The following MEPE variants were observed in gnomAD, a reference collection of about 807,000 sequenced individuals.
MEPE encodes matrix, extracellular phosphoglycoprotein with ASARM motif (bone).
MEPE carries 7 observed loss-of-function variants against 7.3 expected under a neutral mutation model. That is an observed-to-expected ratio of 0.95 (90% CI 0.54 to 1.79). The LOEUF is 1.79. Ranked by LOEUF, MEPE falls within the 40% of genes most tolerant of loss-of-function variation. MEPE has a pLI of 0.00. For synonymous variants in MEPE, 214 were observed against 213.1 expected, an observed-to-expected ratio of 1.00 and a Z score of -0.04; for missense variants, 623 against 628.2, an observed-to-expected ratio of 0.99 and a Z score of 0.09.
chr4:87,824,594 G>T (rs1023243694), intron 1 of MEPE, among the ~76,000 whole-genome samples: 5 of 152,180 alleles, frequency 3.3e-5, no homozygotes, highest in Admixed American at 3.3e-4. Flanking sequence ...GTCAGATTTG[G>T]CCCACAGGCC....
intron 3 of MEPE, among the ~76,000 whole-genome samples, chr4:87,839,206 G>A (rs1187099955): frequency 2.6e-5 from 4 of 152,150 alleles, no homozygotes; most frequent in Non-Finnish European, 4.4e-5. Context: ...AGAAAATTAT[G>A]TTCTAAGAAC....
In MEPE at chr4:87,845,680, C is replaced by T. The variant is rs1723207786; in HGVS notation, c.812C>T (p.Ala271Val). The T allele has an allele frequency of 3.1e-6, 5 of 1,613,648 alleles. No individual in the cohort carries two copies. The highest frequency in any genetic ancestry group is 3.4e-6 in the Non-Finnish European group (4 of 1,179,900). The change falls in exon 4 of 4, where the codon GCT becomes GTT. Residue 271 changes from alanine to valine, a missense_variant. Physicochemically the swap from Ala to Val is moderately conservative, Grantham distance 64. Coordinates refer to ENST00000361056, the MANE Select transcript of MEPE (RefSeq NM_020203.6). ...PFKDIPGKGE[A>V]TGPDLEGKDI... is the part of the protein sequence containing the mutation. ...AAGGACATTCCTGGTAAAGGAGAAG[C>T]TACTGGTCCTGACCTAGAAGGCAAA...
At chr4:87,831,995 G>A (rs72875465), upstream of MEPE, among the ~76,000 whole-genome samples, 10,319 of 151,914 alleles carry the variant, frequency 0.068, 1,188 homozygotes, top group African/African-American at 0.24. Context: ...TGGGAATTCC[G>A]CAATGAAGAG....
chr4:87,827,993 T>A (rs1009209615), upstream of MEPE, among the ~76,000 whole-genome samples: 3 of 152,198 alleles, frequency 2.0e-5, no homozygotes, highest in South Asian at 6.2e-4. Flanking sequence ...AAAGGTGACC[T>A]TTTTGAGCTT....
chr4:87,846,251 T>C lies in MEPE; in HGVS notation c.1383T>C (p.Asn461=), dbSNP rs1723255201. The C allele has an allele frequency of 1.2e-6, 2 of 1,613,884 alleles. No individual in the cohort carries two copies. Among genetic ancestry groups the C allele is most frequent in the Admixed American group, 1.7e-5 (1 of 59,958 alleles). Reference sequence around the variant, plus strand: ...CCTTTAATGGCCCCAGTCATGAGAATATAATAACACATGGCAGAAAATATC... The same window carrying C: ...CCTTTAATGGCCCCAGTCATGAGAACATAATAACACATGGCAGAAAATATC... The part of the protein sequence containing the change: ...MDSFNGPSHE[N]IITHGRKYHY... Residue 461 remains asparagine, a synonymous_variant, in exon 4 of 4, where the codon AAT becomes AAC. Coordinates refer to ENST00000361056, the MANE Select transcript of MEPE (RefSeq NM_020203.6).
chr4:87,838,601 G>T (rs1304533722), intron 2 of MEPE, 31 bp from the exon 3 acceptor site: 1 of 1,600,490 alleles, frequency 6.2e-7, no homozygotes, highest in Admixed American at 1.7e-5. Flanking sequence ...ATGTTCTAGT[G>T]GGTGAAGTTT....
chr4:87,830,317 T>G (rs1435255522), upstream of MEPE, among the ~76,000 whole-genome samples: 4 of 151,988 alleles, frequency 2.6e-5, no homozygotes, highest in Non-Finnish European at 5.9e-5. Flanking sequence ...GGGAAAGACA[T>G]GGAATCAACT....
intron 3 of MEPE, among the ~76,000 whole-genome samples, chr4:87,842,066 C>T (rs756163210): frequency 6.6e-6 from 1 of 152,138 alleles, no homozygotes; most frequent in African/African-American, 2.4e-5. Flanking sequence ...AAAGCTAAGG[C>T]TCAGAGAAGT....
chr4:87,843,217 C>T (rs1186319692), intron 3 of MEPE, among the ~76,000 whole-genome samples: 1 of 152,146 alleles, frequency 6.6e-6, no homozygotes, highest in African/African-American at 2.4e-5. Context: ...CACTGTTCCT[C>T]CTAAATCCTT....
intron 1 of MEPE, among the ~76,000 whole-genome samples, chr4:87,833,279 CTTCAGTT>C (rs1722649225): frequency 6.6e-6 from 1 of 152,108 alleles, no homozygotes; most frequent in South Asian, 2.1e-4. Flanking sequence ...GTAACTCAGA[CTTCAGTT>C]TTCTTCTATC....
At chr4:87,822,273 A>G (rs79633135) in intron 1 of MEPE, among the ~76,000 whole-genome samples, 1,827 of 152,242 alleles carry the variant, frequency 0.012, 41 homozygotes, top group African/African-American at 0.042. Flanking sequence ...CACCTGACTC[A>G]TCATGCTTTC....
At chr4:87,844,813 C>A (rs1482160102) in intron 3 of MEPE, among the ~76,000 whole-genome samples, 164 bp from the exon 4 acceptor site, 1 of 152,110 alleles carries the variant, frequency 6.6e-6, no homozygotes, top group East Asian at 1.9e-4. Flanking sequence ...CTCCATGAAA[C>A]CTGATTTGAC....
chr4:87,823,537 C>T (rs1250153353), intron 1 of MEPE, among the ~76,000 whole-genome samples: 1 of 152,206 alleles, frequency 6.6e-6, no homozygotes, highest in African/African-American at 2.4e-5. Flanking sequence ...GTAAAACAAA[C>T]AATACTTTTG....
chr4:87,824,601 G>T (rs968510261), intron 1 of MEPE, among the ~76,000 whole-genome samples: 3 of 152,202 alleles, frequency 2.0e-5, no homozygotes, highest in South Asian at 2.1e-4. Flanking sequence ...TTGGCCCACA[G>T]GCCATAGTTC....
At chr4:87,843,094 A>G (rs1441529577) in intron 3 of MEPE, among the ~76,000 whole-genome samples, 1 of 152,082 alleles carries the variant, frequency 6.6e-6, no homozygotes, top group Non-Finnish European at 1.5e-5. Flanking sequence ...TTGCTTGGGC[A>G]CCAGAAGAAG....
chr4:87,828,798 G>T (rs1037026891), upstream of MEPE, among the ~76,000 whole-genome samples: 1 of 152,170 alleles, frequency 6.6e-6, no homozygotes, highest in Admixed American at 6.6e-5. Flanking sequence ...ACCCAGCAAA[G>T]TCAGGCTAGG....
At chr4:87,824,932 C>T (rs1241441540) in intron 1 of MEPE, among the ~76,000 whole-genome samples, 1 of 152,148 alleles carries the variant, frequency 6.6e-6, no homozygotes, top group Admixed American at 6.5e-5. Context: ...ACTGCAGGCT[C>T]GACCTCCCAG....
Position 87,846,467 on chromosome 4 carries a change from G to A in MEPE, c.*21G>A. The A allele has an allele frequency of 6.3e-7, 1 of 1,598,494 alleles. No homozygotes were observed. Among genetic ancestry groups the A allele is most frequent in the Non-Finnish European group, 8.5e-7 (1 of 1,172,756 alleles). ...ACTAGTCCACCAGGAGTTCCCAGCG[G>A]GGTGACAGTCTGAAGACCTCGTCAC... is the stretch of plus-strand genomic sequence containing the variant. On this transcript the variant is annotated 3_prime_UTR_variant, in exon 4 of 4. Transcript: ENST00000361056.
At chr4:87,831,856 G>C (rs1722607765), upstream of MEPE, among the ~76,000 whole-genome samples, 1 of 151,916 alleles carries the variant, frequency 6.6e-6, no homozygotes, top group African/African-American at 2.4e-5. Flanking sequence ...TCTTCTTCCT[G>C]GAATGGTCTT....
Sources: allele counts gnomAD v4.1 joint callset (sites outside exome capture counted in the v4.1 genomes callset), GRCh38; gene constraint gnomAD v4.1.1; transcripts MANE v1.5; gene names NCBI Gene and HGNC (gene_info 2026-07-23, HGNC 2026-07-21).